Variants in ZNF280C observed in about 807,000 individuals in gnomAD.
ZNF280C encodes the protein suppressor of hairy wing homolog 3.
A neutral mutation model predicts 53.6 loss-of-function variants in ZNF280C; 14 were observed. The ratio of observed to expected loss-of-function variants is 0.26; its 90% confidence interval spans 0.17 to 0.41. ZNF280C has a LOEUF of 0.41. ZNF280C is among the 10% of genes least tolerant of loss of function. The pLI is 1.00. For synonymous variants in ZNF280C, 203 were observed against 181.1 expected, an observed-to-expected ratio of 1.12 and a Z score of -0.97; for missense variants, 416 against 547.1, an observed-to-expected ratio of 0.76 and a Z score of 2.39.
At chrX:130,228,397 C>T (rs748836565) in intron 10 of ZNF280C, among the ~76,000 whole-genome samples, 1 of 110,267 alleles carries the variant, frequency 9.1e-6, no homozygotes, top group Admixed American at 9.7e-5. Flanking sequence ...GATTCTCCTG[C>T]CTCAGTCTCC....
chrX:130,211,208 G>C (rs748824252), intron 15 of ZNF280C, among the ~76,000 whole-genome samples: 1 of 112,420 alleles, frequency 8.9e-6, no homozygotes, highest in Non-Finnish European at 1.9e-5. Flanking sequence ...AGAGGTAATA[G>C]AGACACATGT....
chrX:130,223,158 T>C (rs1282450116), intron 12 of ZNF280C, among the ~76,000 whole-genome samples: 1 of 110,198 alleles, frequency 9.1e-6, no homozygotes, highest in Non-Finnish European at 1.9e-5. Context: ...CCCGGGTTCA[T>C]GTGATTCTCC....
In ZNF280C at chrX:130,204,973, GA is replaced by G; in HGVS notation, c.*3del. Reference sequence around the variant, plus strand: ...AGGTTGCATGAACTCCATGGAGCAGGAATCTATTTCAATGAGCAGCTTTAAG... The same window carrying G: ...AGGTTGCATGAACTCCATGGAGCAGGATCTATTTCAATGAGCAGCTTTAAG... On this transcript the variant is annotated 3_prime_UTR_variant, in exon 19 of 19. Transcript: ENST00000370978. 9.4e-7 allele frequency: 1 copy of G among 1,068,112 alleles called. No homozygotes were observed. Among genetic ancestry groups the G allele is most frequent in the Non-Finnish European group, 1.2e-6 (1 of 824,565 alleles). The allele number at this position is 1,068,112 out of a possible 1,213,427, so 88.0% of individuals were successfully genotyped here. A position where few individuals can be genotyped will look rare whatever the true frequency, so the allele number is the denominator to read the frequency against.
intron 1 of ZNF280C, among the ~76,000 whole-genome samples, chrX:130,260,819 C>T (rs1199664527): frequency 9.0e-6 from 1 of 111,317 alleles, no homozygotes; most frequent in Admixed American, 9.6e-5. Flanking sequence ...ATGTATTAAA[C>T]ATTTACTACT....
intron 2 of ZNF280C, among the ~76,000 whole-genome samples, chrX:130,257,768 TA>T (rs1365580590): frequency 8.9e-6 from 1 of 112,103 alleles, no homozygotes; most frequent in Non-Finnish European, 1.9e-5. Context: ...TGTTTGACTT[TA>T]AAAAAAGATA....
chrX:130,220,820 T>C (rs1433679557), intron 12 of ZNF280C, among the ~76,000 whole-genome samples: 1 of 111,678 alleles, frequency 9.0e-6, no homozygotes, highest in South Asian at 3.7e-4. Flanking sequence ...AGCCCCATTA[T>C]TATTTTACCA....
intron 2 of ZNF280C, among the ~76,000 whole-genome samples, chrX:130,249,251 G>A (rs773338149): frequency 1.8e-5 from 2 of 112,232 alleles, no homozygotes; most frequent in Non-Finnish European, 3.8e-5. Flanking sequence ...CCTGAGCCAT[G>A]CTGCCTCTGC....
At chrX:130,215,676 G>GGT (rs1323741822) in intron 14 of ZNF280C, 115 bp downstream of exon 14, 2 of 728,024 alleles carry the variant, frequency 2.7e-6, no homozygotes, top group African/African-American at 4.4e-5. Flanking sequence ...TCATTTGCTT[G>GGT]GTCTTTATGC....
rs890157934 is a variant in ZNF280C, at chrX:130,236,250, C to G, written c.735G>C (p.Gln245His). ...YLRACPKCNV[Q>H]FNLLDPLKYH... is the part of the protein sequence containing the mutation. ...ATTTCAAAGGATCCAAAAGATTGAA[C>G]TGAACATTGCACTTTGGACAAGCTC... Residue 245 changes from glutamine (Q) to histidine (H), a missense_variant, in exon 8 of 19, where the codon CAG becomes CAC. Around this residue, in one of 3 missense-constraint regions of ZNF280C, gnomAD observed 193 missense variants for 201.4 expected, o/e 0.96. Transcript: ENST00000370978. 1 of 1,205,042 alleles carries G rather than the reference C, an allele frequency of 8.3e-7. No individual in the cohort carries two copies. Among genetic ancestry groups the G allele is most frequent in the Non-Finnish European group, 1.1e-6 (1 of 892,795 alleles).
At chrX:130,240,368 CCTGT>C (rs1160467240) in intron 5 of ZNF280C, among the ~76,000 whole-genome samples, 2 of 111,017 alleles carry the variant, frequency 1.8e-5, no homozygotes, top group Non-Finnish European at 1.9e-5. Context: ...TATATTCTTC[CCTGT>C]CTCTTTTCTA....
At chrX:130,234,568 A>G (rs1364679664) in intron 8 of ZNF280C, among the ~76,000 whole-genome samples, 2 of 112,217 alleles carry the variant, frequency 1.8e-5, no homozygotes, top group Non-Finnish European at 3.8e-5. Flanking sequence ...AAATTTGCCA[A>G]TCTTTGAAAT....
At chrX:130,243,431 G>C (rs2032415249) in intron 5 of ZNF280C, 132 bp downstream of exon 5, 4 of 703,389 alleles carry the variant, frequency 5.7e-6, no homozygotes, top group Non-Finnish European at 4.2e-6. Context: ...CGATCTGCCT[G>C]CCTTGGCCTC....
intron 1 of ZNF280C, among the ~76,000 whole-genome samples, chrX:130,261,017 T>C (rs761531630): frequency 1.8e-5 from 2 of 112,349 alleles, no homozygotes; most frequent in Non-Finnish European, 3.8e-5. Flanking sequence ...CACATACATT[T>C]AGATATTTTT....
chrX:130,240,042 G>C (rs1300351820), intron 5 of ZNF280C, among the ~76,000 whole-genome samples: 1 of 111,122 alleles, frequency 9.0e-6, no homozygotes, highest in African/African-American at 3.3e-5. Context: ...ATATTCTTTG[G>C]TCCAATTATT....
At position 130,204,627 on chromosome X, in the gene ZNF280C, A is replaced by G. The variant is rs149288199; in HGVS notation, c.*350T>C. ...TATCTGACCTAAACATGTAAGACTT[A>G]TAAGAAATTAAGAAAGCAGACAAAA... On this transcript the variant is annotated 3_prime_UTR_variant, in exon 19 of 19. Coordinates refer to ENST00000370978, the MANE Select transcript of ZNF280C (RefSeq NM_017666.5). 782 of 174,935 alleles carry G rather than the reference A, an allele frequency of 4.5e-3. 2 individuals carry two copies. Among genetic ancestry groups the G allele is most frequent in the African/African-American group, 0.019 (639 of 33,408 alleles). The allele number at this position is 174,935 out of a possible 1,213,427, so 14.4% of individuals were successfully genotyped here.
chrX:130,253,510 A>G (rs141427158), intron 2 of ZNF280C, among the ~76,000 whole-genome samples: 1 of 112,271 alleles, frequency 8.9e-6, no homozygotes. Flanking sequence ...CTGCCTTCAA[A>G]TGGTACAGGG....
Position 130,204,999 on chromosome X carries a change from G to GAAAAA in ZNF280C, c.2199-12_2199-8dup. On this transcript the variant is annotated splice_polypyrimidine_tract_variant and splice_region_variant and intron_variant, in intron 18 of 18. Transcript: ENST00000370978. ...AATCTATTTCAATGAGCAGCTTTAA[G>GAAAAA]AAAAAAAAAAAAAAACTTTAATATT... 1.1e-6 allele frequency: 1 copy of GAAAAA among 910,365 alleles called. No individual in the cohort carries two copies. The allele number at this position is 910,365 out of a possible 1,213,427, so 75.0% of individuals were successfully genotyped here. A position where few individuals can be genotyped will look rare whatever the true frequency, so the allele number is the denominator to read the frequency against.
chrX:130,217,132 C>T (rs1254383751), intron 13 of ZNF280C, among the ~76,000 whole-genome samples: 2 of 112,294 alleles, frequency 1.8e-5, no homozygotes, highest in South Asian at 3.6e-4. Context: ...TGAAAACATA[C>T]GTTCACACAA....
chrX:130,264,119 A>G (rs941440052), intron 1 of ZNF280C, among the ~76,000 whole-genome samples: 1 of 110,702 alleles, frequency 9.0e-6, no homozygotes, highest in Non-Finnish European at 1.9e-5. Context: ...GATGTGGAGA[A>G]AAAGTACCAA....
Sources: allele counts gnomAD v4.1 joint callset (sites outside exome capture counted in the v4.1 genomes callset), GRCh38; gene constraint gnomAD v4.1.1; regional missense constraint gnomAD v4.1.1; transcripts MANE v1.5; gene names NCBI Gene and HGNC (gene_info 2026-07-23, HGNC 2026-07-21).